Variants in ZFYVE28 observed in about 807,000 individuals in gnomAD.
The protein encoded by ZFYVE28 is lateral signaling target protein 2 homolog.
Under a neutral mutation model 82.1 loss-of-function variants are expected in ZFYVE28, and 40 were observed. That is an observed-to-expected ratio of 0.49 (90% confidence interval 0.38 to 0.63). The LOEUF (loss-of-function observed/expected upper bound fraction) is 0.63. Among genes scored for constraint, ZFYVE28 ranks in the 30% least tolerant of loss-of-function variants. The pLI, the probability that ZFYVE28 is intolerant of heterozygous loss-of-function variation, is 0.00. For missense variants in ZFYVE28, 1,321 were observed against 1,242.1 expected, an observed-to-expected ratio of 1.06 and a Z score of -0.96; for synonymous variants, 612 against 546.1, an observed-to-expected ratio of 1.12 and a Z score of -1.68.
chr4:2,326,908 T>A (rs565614187), intron 6 of ZFYVE28, among the ~76,000 whole-genome samples: 4 of 152,256 alleles, frequency 2.6e-5, no homozygotes, highest in African/African-American at 4.8e-5. Flanking sequence ...ATATTCATTA[T>A]TAGTCCTAAC....
At chr4:2,296,791 C>G (rs1477621502) in intron 8 of ZFYVE28, among the ~76,000 whole-genome samples, 1 of 152,200 alleles carries the variant, frequency 6.6e-6, no homozygotes, top group African/African-American at 2.4e-5. Context: ...AGTCCCAGAC[C>G]TGTCACTCCG....
chr4:2,391,937 G>A (rs898256058), intron 1 of ZFYVE28, among the ~76,000 whole-genome samples: 1 of 151,722 alleles, frequency 6.6e-6, no homozygotes, highest in East Asian at 1.9e-4. Context: ...GGATTCATTA[G>A]GCTGGTCAGG....
At chr4:2,330,752 G>T in intron 6 of ZFYVE28, 1 of 1,501,654 alleles carries the variant, frequency 6.7e-7, no homozygotes, top group South Asian at 1.3e-5. Flanking sequence ...CAGTGCGGGG[G>T]AGGGGACAGT....
Position 2,271,334 on chromosome 4 carries a change from G to A in ZFYVE28, c.2509C>T (p.His837Tyr). ...KAPFTVIRRK[H>Y]HCRSCGKIFC... ...ACCTTCCCACAGCTGCGGCAGTGGT[G>A]CTTCCGGCGGATGACGGTGAAGGGT... is the stretch of plus-strand genomic sequence containing the variant. The change falls in exon 12 of 13, where the codon CAC (histidine) becomes TAC (tyrosine). Residue 837 changes from histidine (H) to tyrosine (Y), a missense_variant. By Grantham distance (83) the His-to-Tyr change is moderately conservative. Around this residue, in one of 2 missense-constraint regions of ZFYVE28, gnomAD observed 978 missense variants for 833.7 expected, o/e 1.17. Coordinates refer to ENST00000290974, the MANE Select transcript of ZFYVE28 (RefSeq NM_020972.3). 1.2e-6 allele frequency: 2 copies of A among 1,612,918 alleles called. No individual in the cohort carries two copies. The highest frequency in any genetic ancestry group is 1.7e-6 in the Non-Finnish European group (2 of 1,179,956).
chr4:2,296,203 C>G (rs1156821828), intron 8 of ZFYVE28, among the ~76,000 whole-genome samples: 1 of 152,182 alleles, frequency 6.6e-6, no homozygotes, highest in Non-Finnish European at 1.5e-5. Context: ...CACCTCCTCC[C>G]AGGACTTTGC....
intron 1 of ZFYVE28, among the ~76,000 whole-genome samples, chr4:2,382,475 G>A (rs1439638038): frequency 6.6e-6 from 1 of 152,256 alleles, no homozygotes; most frequent in Non-Finnish European, 1.5e-5. Context: ...GAGACCTGGA[G>A]TCAAAGGAGA....
At position 2,292,105 on chromosome 4, in the gene ZFYVE28, G is replaced by A. The variant is rs541308135; in HGVS notation, c.2051+12184C>T. 1.3e-3 allele frequency among the ~76,000 whole-genome samples: 204 copies of A among 152,322 alleles called. 1 individual carries two copies. The highest frequency in any genetic ancestry group is 4.7e-3 in the African/African-American group (194 of 41,564). On this transcript the variant is annotated intron_variant, in intron 8 of 12. Coordinates refer to ENST00000290974, the MANE Select transcript of ZFYVE28 (RefSeq NM_020972.3). Reference sequence around the variant, plus strand: ...GGTGCTCTGGGACACAGCATGGGGGGCTGGGAGGACACCATGCTGCAGAGC... The same window carrying A: ...GGTGCTCTGGGACACAGCATGGGGGACTGGGAGGACACCATGCTGCAGAGC...
chr4:2,373,365 G>A (rs953895026), intron 1 of ZFYVE28, among the ~76,000 whole-genome samples: 2 of 151,908 alleles, frequency 1.3e-5, no homozygotes, highest in Non-Finnish European at 2.9e-5. Flanking sequence ...TGACTGTGGT[G>A]GCATGCACCT....
chr4:2,290,632 A>G (rs1247115873), intron 8 of ZFYVE28, among the ~76,000 whole-genome samples: 2 of 152,188 alleles, frequency 1.3e-5, no homozygotes, highest in Non-Finnish European at 2.9e-5. Context: ...GCTGACGTCC[A>G]CGGCTCACCA....
At chr4:2,336,791 T>G (rs1207032146) in intron 5 of ZFYVE28, among the ~76,000 whole-genome samples, 37 of 106,100 alleles carry the variant, frequency 3.5e-4, no homozygotes, top group East Asian at 5.2e-4. Context: ...AGGTGAGGAG[T>G]GAGGAGATGA....
chr4:2,306,700 A>C (rs1207973105), intron 7 of ZFYVE28, among the ~76,000 whole-genome samples: 3 of 152,200 alleles, frequency 2.0e-5, no homozygotes, highest in Non-Finnish European at 4.4e-5. Context: ...ACATGCACTA[A>C]AAAGAGTTTT....
intron 1 of ZFYVE28, among the ~76,000 whole-genome samples, chr4:2,403,096 C>T (rs1210043369): frequency 3.9e-5 from 6 of 152,250 alleles, no homozygotes; most frequent in African/African-American, 1.4e-4. Context: ...GTCCTTTCCC[C>T]GTGGCCGCCT....
In ZFYVE28 at chr4:2,417,403, A is replaced by T. The variant is rs1733191260; in HGVS notation, c.39+882T>A. 6.6e-6 allele frequency among the ~76,000 whole-genome samples: 1 copy of T among 150,662 alleles called. No individual in the cohort carries two copies. Among genetic ancestry groups the T allele is most frequent in the African/African-American group, 2.4e-5 (1 of 41,212 alleles). ...CACGAGCCCCAGGCGGGCGGCGGGG[A>T]CGCAGCGCCCGCAGTGCGACTGGCG... On this transcript the variant is annotated intron_variant, in intron 1 of 12. Transcript: ENST00000290974. The surrounding 1 kb of genome is among the most constrained non-coding windows in gnomAD (Gnocchi z 4.8).
chr4:2,273,218 T>C lies in ZFYVE28; in HGVS notation c.2278A>G (p.Met760Val). Residue 760 changes from methionine (M) to valine (V), a missense_variant, in exon 10 of 13, where the codon ATG (methionine) becomes GTG (valine). Around this residue, in one of 2 missense-constraint regions of ZFYVE28, gnomAD observed 978 missense variants for 833.7 expected, o/e 1.17. Transcript: ENST00000290974. The part of the protein sequence containing the change: ...RSILKTLFEV[M>V]ATKPETDDKE... ...TCGTCTGTTTCAGGCTTGGTGGCCA[T>C]GACCTCAAACAGTGTTTTAAGAATA... The C allele has an allele frequency of 6.2e-7, 1 of 1,613,980 alleles. No individual in the cohort carries two copies. Among genetic ancestry groups the C allele is most frequent in the Non-Finnish European group, 8.5e-7 (1 of 1,179,922 alleles).
chr4:2,406,989 C>A (rs559319715), intron 1 of ZFYVE28, among the ~76,000 whole-genome samples: 1 of 152,224 alleles, frequency 6.6e-6, no homozygotes, highest in Admixed American at 6.5e-5. Flanking sequence ...TCAAAGACCT[C>A]AGTGCCAGCT....
chr4:2,393,061 C>T (rs1205493460), intron 1 of ZFYVE28, among the ~76,000 whole-genome samples: 3 of 152,230 alleles, frequency 2.0e-5, no homozygotes, highest in African/African-American at 4.8e-5. Flanking sequence ...GTGAAAGGGC[C>T]GCAGGCTGCG....
chr4:2,346,376 T>C (rs1196278719), intron 2 of ZFYVE28, among the ~76,000 whole-genome samples: 2 of 150,652 alleles, frequency 1.3e-5, no homozygotes, highest in African/African-American at 4.9e-5. Flanking sequence ...AGAAAGAAAT[T>C]CTTTCAAGCA....
intron 1 of ZFYVE28, among the ~76,000 whole-genome samples, chr4:2,401,697 C>T (rs1303454443): frequency 1.3e-5 from 2 of 152,292 alleles, no homozygotes; most frequent in Admixed American, 6.5e-5. Flanking sequence ...CCTTGCGGTC[C>T]CCTCGCCGCC....
chr4:2,386,463 C>T (rs1663776840), intron 1 of ZFYVE28, among the ~76,000 whole-genome samples: 1 of 152,062 alleles, frequency 6.6e-6, no homozygotes, highest in Admixed American at 6.5e-5. Context: ...CCAGCCTGGG[C>T]AACACAGGGA....
Sources: allele counts gnomAD v4.1 joint callset (sites outside exome capture counted in the v4.1 genomes callset), GRCh38; gene constraint gnomAD v4.1.1; regional missense constraint gnomAD v4.1.1; non-coding constraint Gnocchi (gnomAD v3.1); transcripts MANE v1.5; gene names NCBI Gene and HGNC (gene_info 2026-07-23, HGNC 2026-07-21).